The following ZNF695 variants were observed in gnomAD, a reference collection of about 807,000 sequenced individuals.
ZNF695 encodes the protein zinc finger protein 695.
A neutral mutation model predicts 11.2 loss-of-function variants in ZNF695; 11 were observed. The observed-to-expected ratio is 0.98, with a 90% confidence interval of 0.62 to 1.62. The LOEUF is 1.62. Ranked by LOEUF, ZNF695 falls within the 40% of genes most tolerant of loss-of-function variation. The probability of loss-of-function intolerance (pLI) is 0.00; values close to 1 mark genes in which losing one functional copy is unlikely to be tolerated. For missense variants in ZNF695, 559 were observed against 590.5 expected, an observed-to-expected ratio of 0.95 and a Z score of 0.55; for synonymous variants, 190 against 201.4, an observed-to-expected ratio of 0.94 and a Z score of 0.48.
In ZNF695 at chr1:246,967,781, AT is replaced by A. The variant is rs1668325838; in HGVS notation, c.401del (p.Asp134ValfsTer11). 1 of 368,040 alleles carries A rather than the reference AT, an allele frequency of 2.7e-6. No homozygotes were observed. Among genetic ancestry groups the A allele is most frequent in the African/African-American group, 2.1e-5 (1 of 47,080 alleles). 22.8% of individuals were successfully genotyped at this position (368,040 alleles called of 1,614,324 possible). ...CAGAAGGCAAAGGGGAAGCAAGCAC[AT>A]CTTCACATGGCTGGCAGGAGAGAGA... On this transcript the variant is annotated frameshift_variant, in exon 5 of 6. Transcript: ENST00000487338. LOFTEE classifies it high-confidence loss of function.
At chr1:246,958,067 T>A (rs1212074972) in intron 5 of ZNF695, among the ~76,000 whole-genome samples, 1 of 147,278 alleles carries the variant, frequency 6.8e-6, no homozygotes, top group Non-Finnish European at 1.5e-5. Context: ...TTTGTTTTTG[T>A]TTTTTTTTTG....
intron 5 of ZNF695, among the ~76,000 whole-genome samples, chr1:246,946,747 C>CT (rs1332632171): frequency 6.6e-6 from 1 of 152,232 alleles, no homozygotes; most frequent in Non-Finnish European, 1.5e-5. Context: ...TATTTCTTTG[C>CT]TTTAACTGGG....
At chr1:246,967,555 G>A in intron 5 of ZNF695, 2 of 428,660 alleles carry the variant, frequency 4.7e-6, no homozygotes, top group South Asian at 1.7e-5. Context: ...AGCTGAGATA[G>A]GGGAAGACTT....
intron 4 of ZNF695, chr1:246,969,638 A>G (rs543362087): frequency 1.3e-5 from 2 of 151,702 alleles, no homozygotes; most frequent in Admixed American, 1.3e-4. Flanking sequence ...GTATTAGTTC[A>G]TTCTCACATT....
At chr1:246,958,318 A>T (rs1409784144) in intron 5 of ZNF695, among the ~76,000 whole-genome samples, 3 of 152,120 alleles carry the variant, frequency 2.0e-5, no homozygotes, top group African/African-American at 4.8e-5. Context: ...TCGGCCTCCC[A>T]AAGTGCTGGG....
intron 5 of ZNF695, among the ~76,000 whole-genome samples, chr1:246,962,783 C>T (rs1026900059): frequency 3.3e-5 from 5 of 152,010 alleles, no homozygotes; most frequent in African/African-American, 1.2e-4. Flanking sequence ...AGCTCCACCT[C>T]CCAGGTTCAC....
At chr1:246,950,144 G>T (rs1252123050) in intron 5 of ZNF695, among the ~76,000 whole-genome samples, 4 of 152,152 alleles carry the variant, frequency 2.6e-5, no homozygotes, top group African/African-American at 7.2e-5. Flanking sequence ...ATTAAAAGGA[G>T]AATATGTTTC....
intron 5 of ZNF695, among the ~76,000 whole-genome samples, chr1:246,955,595 A>G (rs1196066922): frequency 6.6e-6 from 1 of 152,228 alleles, no homozygotes; most frequent in Non-Finnish European, 1.5e-5. Flanking sequence ...ACACCTACAC[A>G]GAACAGAACT....
chr1:246,945,991 C>T (rs1157939648), intron 5 of ZNF695, among the ~76,000 whole-genome samples: 1 of 76,112 alleles, frequency 1.3e-5, no homozygotes, highest in Admixed American at 1.4e-4. Flanking sequence ...AGCCACTGCG[C>T]CCAGCCTCTG....
At chr1:246,992,781 A>G (rs1005119196) in intron 3 of ZNF695, among the ~76,000 whole-genome samples, 3 of 152,204 alleles carry the variant, frequency 2.0e-5, no homozygotes, top group African/African-American at 7.2e-5. Context: ...CATAGAATGG[A>G]AGGAAAGTTG....
At position 246,987,023 on chromosome 1, in the gene ZNF695, C is replaced by G; in HGVS notation, c.1492G>C (p.Gly498Arg). The G allele has an allele frequency of 1.2e-6, 2 of 1,611,222 alleles. No homozygotes were observed. The highest frequency in any genetic ancestry group is 1.7e-6 in the Non-Finnish European group (2 of 1,179,016). The change falls in exon 4 of 4, where the codon GGC (glycine) becomes CGC (arginine). Residue 498 changes from glycine to arginine, a missense_variant. Coordinates refer to ENST00000339986, the MANE Select transcript of ZNF695 (RefSeq NM_020394.5). ...TGTGCAGAGTGGTTAAAGGCTTTGC[C>G]ACATTCCTCACACTTGTATGGTTTC... ...REKPYKCEEC[G>R]KAFNHSAQLA...
At chr1:246,980,167 G>C (rs1012457273) in intron 4 of ZNF695, among the ~76,000 whole-genome samples, 3 of 114,170 alleles carry the variant, frequency 2.6e-5, no homozygotes, top group Admixed American at 1.8e-4. Context: ...CGACAGCCTG[G>C]ACTCTGTATT....
chr1:247,005,779 C>T lies in ZNF695; in HGVS notation c.3+2127G>A, dbSNP rs555229724. ...AAATCAAATCAAAATGGATTAAAGA[C>T]GTAAATCTAAGACCTCAAACTATGA... is the stretch of plus-strand genomic sequence containing the variant. On this transcript the variant is annotated intron_variant, in intron 1 of 3. Transcript: ENST00000339986. 2.9e-3 allele frequency among the ~76,000 whole-genome samples: 435 copies of T among 152,258 alleles called. 5 individuals are homozygous for T. Among genetic ancestry groups the T allele is most frequent in the Middle Eastern group, 0.02 (6 of 294 alleles).
At chr1:246,960,694 C>T (rs573963021) in intron 5 of ZNF695, among the ~76,000 whole-genome samples, 3 of 152,284 alleles carry the variant, frequency 2.0e-5, no homozygotes, top group Middle Eastern at 6.8e-3. Context: ...AATCCCAGCA[C>T]TTTGGGAGGC....
rs1669592251 is a variant in ZNF695, at chr1:247,008,006, C to T, written c.-98G>A. The T allele has an allele frequency of 2.3e-6, 3 of 1,327,258 alleles. No homozygotes were observed. Among genetic ancestry groups the T allele is most frequent in the Non-Finnish European group, 3.0e-6 (3 of 1,013,354 alleles). The allele number at this position is 1,327,258 out of a possible 1,614,324, so 82.2% of individuals were successfully genotyped here. On this transcript the variant is annotated 5_prime_UTR_variant, in exon 1 of 4. Transcript: ENST00000339986. ...CCTGCGGCAGTCACCCGGGACTCTCCGAGAGGCAGCAGACGGGAACCCAGC... is the reference window on the plus strand; with the variant it reads ...CCTGCGGCAGTCACCCGGGACTCTCTGAGAGGCAGCAGACGGGAACCCAGC...
chr1:246,978,338 G>GA (rs1558311541), intron 4 of ZNF695, among the ~76,000 whole-genome samples: 1 of 152,296 alleles, frequency 6.6e-6, no homozygotes, highest in East Asian at 1.9e-4. Flanking sequence ...ACTTTGTAAT[G>GA]AAAATTATCA....
At chr1:246,977,641 CAG>C (rs1347850666) in intron 4 of ZNF695, among the ~76,000 whole-genome samples, 3 of 152,322 alleles carry the variant, frequency 2.0e-5, no homozygotes, top group South Asian at 4.1e-4. Context: ...CTCTATTTGT[CAG>C]AGTTTTTATG....
chr1:246,971,503 A>G (rs973071870), intron 4 of ZNF695, among the ~76,000 whole-genome samples: 27 of 152,154 alleles, frequency 1.8e-4, no homozygotes, highest in African/African-American at 6.5e-4. Flanking sequence ...CTGCTAAGTA[A>G]CGGGAGCCTT....
intron 4 of ZNF695, among the ~76,000 whole-genome samples, chr1:246,976,741 C>T (rs1380884292): frequency 6.6e-6 from 1 of 152,106 alleles, no homozygotes; most frequent in East Asian, 1.9e-4. Flanking sequence ...TTGCAGTGTG[C>T]TGAGATCGCG....
Sources: allele counts gnomAD v4.1 joint callset (sites outside exome capture counted in the v4.1 genomes callset), GRCh38; gene constraint gnomAD v4.1.1; transcripts MANE v1.5; gene names NCBI Gene and HGNC (gene_info 2026-07-23, HGNC 2026-07-21).